Variants in MAN1B1 observed in about 807,000 individuals in gnomAD.
MAN1B1 encodes endoplasmic reticulum mannosyl-oligosaccharide 1,2-alpha-mannosidase.
A neutral mutation model predicts 75.5 loss-of-function variants in MAN1B1; 66 were observed. That is an observed-to-expected ratio of 0.87 (90% CI 0.72 to 1.07). MAN1B1 has a LOEUF of 1.07. Among genes scored for constraint, MAN1B1 ranks in the 50% least tolerant of loss-of-function variants. The pLI, the probability that MAN1B1 is intolerant of heterozygous loss-of-function variation, is 0.00. For missense variants in MAN1B1, 973 were observed against 912.5 expected, an observed-to-expected ratio of 1.07 and a Z score of -0.85; for synonymous variants, 453 against 382.8, an observed-to-expected ratio of 1.18 and a Z score of -2.14.
At position 137,108,905 on chromosome 9, in the gene MAN1B1, G is replaced by A. The variant is rs746570499; in HGVS notation, c.*314G>A. ...GCCGACCAGAGGGGGGCTTCGAGGTGGTCCCTGGTACTGGGGTGACCGAGT... is the reference window on the plus strand; with the variant it reads ...GCCGACCAGAGGGGGGCTTCGAGGTAGTCCCTGGTACTGGGGTGACCGAGT... On this transcript the variant is annotated 3_prime_UTR_variant, in exon 13 of 13. Transcript: ENST00000371589. 14 of 530,786 alleles carry A rather than the reference G, an allele frequency of 2.6e-5. No homozygotes were observed. Among genetic ancestry groups the A allele is most frequent in the Non-Finnish European group, 5.1e-5 (14 of 276,246 alleles). The allele number at this position is 530,786 out of a possible 1,614,324, so 32.9% of individuals were successfully genotyped here.
rs772667838 is a variant in MAN1B1, at chr9:137,096,333, A to G, written c.562A>G (p.Arg188Gly). 6.2e-7 allele frequency: 1 copy of G among 1,614,084 alleles called. No individual in the cohort carries two copies. The highest frequency in any genetic ancestry group is 8.5e-7 in the Non-Finnish European group (1 of 1,180,038). Residue 188 changes from arginine (R) to glycine (G), a missense_variant, in exon 4 of 13, where the codon AGG becomes GGG. Arg to Gly is a moderately radical substitution (Grantham distance 125). Transcript: ENST00000371589. ...KDGTQEEATK[R>G]QEAPVDPRPE... ...TGGGACCCAGGAGGAGGCCACAAAAAGGCAAGAAGCCCCTGTGGATCCCCG... is the reference window on the plus strand; with the variant it reads ...TGGGACCCAGGAGGAGGCCACAAAAGGGCAAGAAGCCCCTGTGGATCCCCG...
intron 8 of MAN1B1, chr9:137,105,825 G>A: frequency 5.3e-6 from 3 of 568,366 alleles, no homozygotes; most frequent in Non-Finnish European, 6.7e-6. Flanking sequence ...GCCTGTGGTT[G>A]TCAGATGCTG....
chr9:137,091,260 A>C (rs1443734028), intron 3 of MAN1B1, among the ~76,000 whole-genome samples: 1 of 152,172 alleles, frequency 6.6e-6, no homozygotes, highest in Non-Finnish European at 1.5e-5. Flanking sequence ...TTTCCATTGA[A>C]AGATGTGTTT....
intron 8 of MAN1B1, chr9:137,102,845 G>GGTT (rs1564293425): frequency 4.6e-6 from 2 of 433,490 alleles, no homozygotes; most frequent in Non-Finnish European, 9.1e-6. Flanking sequence ...CATTCACACT[G>GGTT]TTGCAGGCGT....
At chr9:137,089,395 T>C (rs1015211891) in intron 3 of MAN1B1, 3 of 317,202 alleles carry the variant, frequency 9.5e-6, no homozygotes, top group African/African-American at 6.5e-5. Context: ...GTCCTGAGGG[T>C]TCAGGGGAGG....
chr9:137,106,358 T>G (rs1588651212), intron 9 of MAN1B1, 43 bp downstream of exon 9: 11 of 1,481,412 alleles, frequency 7.4e-6, no homozygotes, highest in East Asian at 2.5e-5. Context: ...GGCTCCCCCG[T>G]TCCCGCAGCC....
Position 137,087,227 on chromosome 9 carries a change from C to A in MAN1B1, c.219+9C>A, listed in dbSNP as rs749511040. On this transcript the variant is annotated intron_variant, in intron 1 of 12. Coordinates refer to ENST00000371589, the MANE Select transcript of MAN1B1 (RefSeq NM_016219.5). ...GGCGCTCGTGCTGGAGGGTGAGGGTCGCGCCGGGCTGACTGGGGCCCGGGG... is the reference window on the plus strand; with the variant it reads ...GGCGCTCGTGCTGGAGGGTGAGGGTAGCGCCGGGCTGACTGGGGCCCGGGG... 13 of 1,566,488 alleles carry A rather than the reference C, an allele frequency of 8.3e-6. No individual in the cohort carries two copies. The highest frequency in any genetic ancestry group is 1.8e-4 in the Middle Eastern group (1 of 5,582).
intron 8 of MAN1B1, 96 bp from the exon 9 acceptor site, chr9:137,106,029 T>C (rs769627735): frequency 1.0e-6 from 1 of 968,270 alleles, no homozygotes; most frequent in Non-Finnish European, 1.6e-6. Flanking sequence ...CAGTCGGTGC[T>C]GGGGCGAGGG....
chr9:137,101,806 G>A (rs1296057128), intron 8 of MAN1B1, 134 bp downstream of exon 8: 19 of 1,095,888 alleles, frequency 1.7e-5, no homozygotes, highest in Admixed American at 4.0e-5. Flanking sequence ...CACACAAAAC[G>A]CACCACCTTA....
chr9:137,097,980 G>A (rs1830701667), intron 5 of MAN1B1, 43 bp downstream of exon 5: 1 of 1,453,964 alleles, frequency 6.9e-7, no homozygotes, highest in Non-Finnish European at 9.4e-7. Flanking sequence ...GCGCTCAGGG[G>A]CTGGTGGCTG....
intron 5 of MAN1B1, among the ~76,000 whole-genome samples, chr9:137,098,937 C>CTCCT (rs1830731403): frequency 6.6e-6 from 1 of 152,192 alleles, no homozygotes; most frequent in Non-Finnish European, 1.5e-5. Context: ...TCAAGCAAGT[C>CTCCT]TCCTGCCTCA....
In MAN1B1 at chr9:137,089,123, C is replaced by G. The variant is rs548483428; in HGVS notation, c.465+118C>G. 6 of 1,310,842 alleles carry G rather than the reference C, an allele frequency of 4.6e-6. No individual in the cohort carries two copies. The East Asian group carries it at 1.4e-4, about 30-fold the overall frequency. 81.2% of individuals were successfully genotyped at this position (1,310,842 alleles called of 1,614,324 possible). A position where few individuals can be genotyped will look rare whatever the true frequency, so the allele number is the denominator to read the frequency against. On this transcript the variant is annotated intron_variant, in intron 3 of 12. Coordinates refer to ENST00000371589, the MANE Select transcript of MAN1B1 (RefSeq NM_016219.5). ...CATTTATTACCACGTGTTTACCTCT[C>G]TCTCGTTTTGGACTGGTCGGATAAT...
At position 137,106,931 on chromosome 9, in the gene MAN1B1, G is replaced by A. The variant is rs1345407611; in HGVS notation, c.1566+122G>A. The A allele has an allele frequency of 1.2e-5, 16 of 1,374,276 alleles. No homozygotes were observed. The African/African-American group carries it at 2.2e-4, about 19-fold the overall frequency. The allele number at this position is 1,374,276 out of a possible 1,614,324, so 85.1% of individuals were successfully genotyped here. A position where few individuals can be genotyped will look rare whatever the true frequency, so the allele number is the denominator to read the frequency against. ...TGGCGCCCACGTGGAGGCCCTGGGTGGACCGTGGCTGCCTGGCCAGGCCTG... is the reference window on the plus strand; with the variant it reads ...TGGCGCCCACGTGGAGGCCCTGGGTAGACCGTGGCTGCCTGGCCAGGCCTG... On this transcript the variant is annotated intron_variant, in intron 10 of 12. Transcript: ENST00000371589.
At chr9:137,090,697 G>A (rs138033259) in intron 3 of MAN1B1, among the ~76,000 whole-genome samples, 309 of 152,114 alleles carry the variant, frequency 2.0e-3, no homozygotes, top group African/African-American at 7.0e-3. Context: ...CCGACACCAC[G>A]CACAGCTAAC....
At chr9:137,096,722 C>T (rs192188462) in intron 4 of MAN1B1, among the ~76,000 whole-genome samples, 13 of 152,322 alleles carry the variant, frequency 8.5e-5, no homozygotes, top group African/African-American at 2.6e-4. Flanking sequence ...TCCCGAGCCC[C>T]ATCTGGTCGA....
At chr9:137,103,594 TCGG>T (rs1830978975) in intron 8 of MAN1B1, 2 of 436,124 alleles carry the variant, frequency 4.6e-6, no homozygotes, top group African/African-American at 4.3e-5. Context: ...GGCGTGCGGG[TCGG>T]TGGTGTTACA....
chr9:137,088,707 G>T, intron 2 of MAN1B1, 162 bp from the exon 3 acceptor site: 1 of 868,936 alleles, frequency 1.2e-6, no homozygotes, highest in East Asian at 2.6e-5. Context: ...TTTTGAAAAA[G>T]ATTTCATTCC....
chr9:137,093,361 G>A (rs1830566398), intron 3 of MAN1B1, among the ~76,000 whole-genome samples: 2 of 152,184 alleles, frequency 1.3e-5, no homozygotes, highest in Admixed American at 1.3e-4. Context: ...CAGCCTGGGT[G>A]ATAGTGAGAC....
Position 137,088,423 on chromosome 9 carries a change from C to T in MAN1B1, c.328+240C>T, listed in dbSNP as rs754411157. 7 of 1,558,616 alleles carry T rather than the reference C, an allele frequency of 4.5e-6. No individual in the cohort carries two copies. In the Admixed American group the frequency reaches 8.5e-5, roughly 19 times the overall value. On this transcript the variant is annotated intron_variant, in intron 2 of 12. Coordinates refer to ENST00000371589, the MANE Select transcript of MAN1B1 (RefSeq NM_016219.5). ...TGTAAGTACTGATATGTCCAGCCTC[C>T]CTTATAGAGTAAGTCAGCTGGTGGG...
Sources: allele counts gnomAD v4.1 joint callset (sites outside exome capture counted in the v4.1 genomes callset), GRCh38; gene constraint gnomAD v4.1.1; transcripts MANE v1.5; gene names NCBI Gene and HGNC (gene_info 2026-07-23, HGNC 2026-07-21).